TMEM132D: variants seen among roughly 807,000 people sequenced by gnomAD.
TMEM132D encodes mature OL transmembrane protein.
In TMEM132D, 21 loss-of-function variants were observed where a neutral mutation model predicts 62.3. The observed-to-expected ratio is 0.34, with a 90% CI of 0.24 to 0.49. TMEM132D has a LOEUF of 0.49. Ranked by LOEUF, TMEM132D falls within the 20% of genes least tolerant of loss-of-function variation. The pLI is 0.99. For synonymous variants in TMEM132D, 621 were observed against 575.6 expected (o/e 1.08, Z -1.13); for missense variants, 1,346 against 1,402.8 (o/e 0.96, Z 0.65).
Position 129,815,256 on chromosome 12 carries a change from A to AG in TMEM132D, c.79+88004_79+88005insC, listed in dbSNP as rs562265168. On this transcript the variant is annotated intron_variant, in intron 1 of 8. Coordinates refer to ENST00000422113, the MANE Select transcript of TMEM132D (RefSeq NM_133448.3). Reference sequence around the variant, plus strand: ...GCTCTTAGTTCTACCACAAAAAAAAATCCACAGAAAAAAATCCAGAATGCA... The same window carrying AG: ...GCTCTTAGTTCTACCACAAAAAAAAAGTCCACAGAAAAAAATCCAGAATGCA... Among the ~76,000 whole-genome samples the AG allele has an allele frequency of 2.1e-3, 326 of 152,330 alleles. 1 individual carries two copies. Among genetic ancestry groups the AG allele is most frequent in the African/African-American group, 7.3e-3 (305 of 41,560 alleles).
At chr12:129,159,853 G>GCCT (rs571448051) in intron 5 of TMEM132D, among the ~76,000 whole-genome samples, 5 of 152,032 alleles carry the variant, frequency 3.3e-5, no homozygotes, top group African/African-American at 9.6e-5. Flanking sequence ...GAGGGAGGCT[G>GCCT]CCTCCTCCAC....
chr12:129,157,540 G>T (rs890882049), intron 5 of TMEM132D, among the ~76,000 whole-genome samples: 2 of 152,162 alleles, frequency 1.3e-5, no homozygotes, highest in African/African-American at 4.8e-5. Context: ...TGAAGCCATT[G>T]ATCTATTTTT....
intron 4 of TMEM132D, among the ~76,000 whole-genome samples, chr12:129,221,143 T>C (rs1315750889): frequency 6.6e-6 from 1 of 152,208 alleles, no homozygotes; most frequent in Non-Finnish European, 1.5e-5. Context: ...TTGTTACTTG[T>C]GGGTTGAAGC....
At chr12:129,653,572 C>T (rs952063312) in intron 2 of TMEM132D, among the ~76,000 whole-genome samples, 6 of 152,080 alleles carry the variant, frequency 3.9e-5, no homozygotes, top group Admixed American at 6.5e-5. Context: ...AATGAGTTGC[C>T]CAGCAATATG....
chr12:129,512,387 T>A (rs769440051), intron 3 of TMEM132D, among the ~76,000 whole-genome samples: 3 of 152,194 alleles, frequency 2.0e-5, no homozygotes, highest in Admixed American at 2.0e-4. Context: ...CAGTTTGATG[T>A]CAGAACTGTT....
chr12:129,412,810 G>A (rs1872006796), intron 3 of TMEM132D, among the ~76,000 whole-genome samples: 1 of 152,178 alleles, frequency 6.6e-6, no homozygotes, highest in Admixed American at 6.5e-5. Context: ...CCAAGATCAT[G>A]TGATTGCACT....
At position 129,530,714 on chromosome 12, in the gene TMEM132D, C is replaced by T. The variant is rs773427032; in HGVS notation, c.1115+345G>A. 9.2e-5 allele frequency among the ~76,000 whole-genome samples: 14 copies of T among 152,174 alleles called. No individual in the cohort carries two copies. The South Asian group carries it at 1.0e-3, about 11-fold the overall frequency. ...TGGTTTCTAACACTTGCAAAATGGG[C>T]CGTTTCATGAGACATGCAGAGTTTC... On this transcript the variant is annotated intron_variant, in intron 3 of 8. Transcript: ENST00000422113.
At position 129,865,672 on chromosome 12, in the gene TMEM132D, GAC is replaced by G. The variant is rs546051944; in HGVS notation, c.79+37587_79+37588del. Among the ~76,000 whole-genome samples the G allele has an allele frequency of 4.2e-3, 634 of 152,344 alleles. 4 individuals are homozygous for G. The highest frequency in any genetic ancestry group is 0.015 in the African/African-American group (614 of 41,576). ...TGTGGGGAGCAAGGGTGTTCAGTCT[GAC>G]ACACGGAATATACTGAACGCATCGC... On this transcript the variant is annotated intron_variant, in intron 1 of 8. Coordinates refer to ENST00000422113, the MANE Select transcript of TMEM132D (RefSeq NM_133448.3).
At chr12:129,816,799 A>C (rs1333139180) in intron 1 of TMEM132D, among the ~76,000 whole-genome samples, 2 of 152,354 alleles carry the variant, frequency 1.3e-5, no homozygotes, top group East Asian at 3.9e-4. Flanking sequence ...CTTTGATTAC[A>C]GCATTTGCTA....
chr12:129,847,674 T>C (rs1029346261), intron 1 of TMEM132D, among the ~76,000 whole-genome samples: 6 of 152,166 alleles, frequency 3.9e-5, no homozygotes, highest in African/African-American at 1.4e-4. Context: ...GTCCTTGCTC[T>C]ATGACCGCTT....
chr12:129,171,814 G>T (rs4103620), intron 5 of TMEM132D, among the ~76,000 whole-genome samples: 114,747 of 152,182 alleles, frequency 0.75, 44,202 homozygotes, highest in Non-Finnish European at 0.84. Flanking sequence ...GATACGCTGC[G>T]ATACAGGCTT....
intron 5 of TMEM132D, among the ~76,000 whole-genome samples, chr12:129,188,777 G>C (rs905401668): frequency 7.5e-5 from 3 of 39,906 alleles, no homozygotes; most frequent in African/African-American, 2.5e-4. Context: ...GAGAGAGAGA[G>C]AGAGAGAGAG....
intron 2 of TMEM132D, among the ~76,000 whole-genome samples, chr12:129,669,084 A>C (rs1315617892): frequency 6.6e-6 from 1 of 152,220 alleles, no homozygotes; most frequent in Non-Finnish European, 1.5e-5. Flanking sequence ...AAAAACTCTT[A>C]TCTGAGATTC....
chr12:129,651,253 A>G (rs1879920084), intron 2 of TMEM132D, among the ~76,000 whole-genome samples: 1 of 152,234 alleles, frequency 6.6e-6, no homozygotes, highest in South Asian at 2.1e-4. Flanking sequence ...GTTCAAAAAC[A>G]TAATATCCCT....
chr12:129,496,831 C>A (rs1165799345), intron 3 of TMEM132D, among the ~76,000 whole-genome samples: 1 of 152,164 alleles, frequency 6.6e-6, no homozygotes, highest in East Asian at 1.9e-4. Context: ...CTGCCCCTCA[C>A]TGAGATTCAT....
intron 2 of TMEM132D, chr12:129,682,859 T>TTA (rs763532372): frequency 2.5e-5 from 2 of 81,282 alleles, no homozygotes; most frequent in East Asian, 3.2e-4. Context: ...ACTCCATCTC[T>TTA]AAAAAAAAAA....
intron 1 of TMEM132D, chr12:129,852,612 G>A (rs1295010839): frequency 6.6e-6 from 1 of 152,164 alleles, no homozygotes; most frequent in Non-Finnish European, 1.5e-5. Flanking sequence ...CTAAAAATGG[G>A]TGGGTCTCAA....
At chr12:129,797,153 C>T (rs1871587715) in intron 1 of TMEM132D, among the ~76,000 whole-genome samples, 1 of 152,180 alleles carries the variant, frequency 6.6e-6, no homozygotes, top group South Asian at 2.1e-4. Context: ...TTCCCCACAG[C>T]CCAGGCATCG....
intron 1 of TMEM132D, among the ~76,000 whole-genome samples, chr12:129,731,097 C>A (rs759907587): frequency 2.0e-5 from 3 of 152,092 alleles, no homozygotes; most frequent in Non-Finnish European, 4.4e-5. Context: ...TCTCTGAGGG[C>A]AGATGCTATT....
Sources: allele counts gnomAD v4.1 joint callset (sites outside exome capture counted in the v4.1 genomes callset), GRCh38; gene constraint gnomAD v4.1.1; transcripts MANE v1.5; gene names NCBI Gene and HGNC (gene_info 2026-07-23, HGNC 2026-07-21).